DOCK1: variants seen among roughly 807,000 people sequenced by gnomAD.
DOCK1 encodes the protein dedicator of cytokinesis protein 1.
DOCK1 carries 138 observed loss-of-function variants against 262.7 expected under a neutral mutation model. The observed-to-expected ratio is 0.53, with a 90% CI of 0.46 to 0.61. The LOEUF (loss-of-function observed/expected upper bound fraction) is 0.61. DOCK1 is among the 20% of genes least tolerant of loss of function. The pLI is 0.00. For missense variants in DOCK1, 1,908 were observed against 2,370.7 expected (o/e 0.80, Z 4.05); for synonymous variants, 866 against 867.4 (o/e 1.00, Z 0.03).
chr10:126,981,078 G>C (rs1218556160), intron 3 of DOCK1, among the ~76,000 whole-genome samples: 1 of 151,800 alleles, frequency 6.6e-6, no homozygotes, highest in Non-Finnish European at 1.5e-5. Context: ...CTCCTGAGTA[G>C]CTGGGACTAC....
chr10:127,312,190 T>G (rs1326580256), intron 29 of DOCK1, among the ~76,000 whole-genome samples: 1 of 152,158 alleles, frequency 6.6e-6, no homozygotes, highest in East Asian at 1.9e-4. Context: ...CATTACTGCC[T>G]AAGAAGAAGA....
chr10:127,094,986 A>G (rs764679301), intron 23 of DOCK1, among the ~76,000 whole-genome samples: 21 of 152,232 alleles, frequency 1.4e-4, no homozygotes, highest in Non-Finnish European at 3.1e-4. Flanking sequence ...TCCATGAGCC[A>G]CTTTAGCTAG....
chr10:127,262,253 C>T (rs1389444980), intron 29 of DOCK1, among the ~76,000 whole-genome samples: 3 of 146,814 alleles, frequency 2.0e-5, no homozygotes, highest in Non-Finnish European at 3.0e-5. Flanking sequence ...TGTGTGTGTA[C>T]CTGCATGTGT....
At chr10:126,954,603 C>T (rs2036584328) in intron 1 of DOCK1, among the ~76,000 whole-genome samples, 1 of 152,186 alleles carries the variant, frequency 6.6e-6, no homozygotes, top group African/African-American at 2.4e-5. Context: ...CTCCTCCTCC[C>T]AGCCCCTGGC....
chr10:127,416,379 C>T (rs894494999), intron 44 of DOCK1, among the ~76,000 whole-genome samples: 5 of 152,180 alleles, frequency 3.3e-5, no homozygotes, highest in African/African-American at 1.2e-4. Flanking sequence ...AGAGCAGGCC[C>T]TCCACCTAAA....
chr10:127,280,858 G>A lies in DOCK1; in HGVS notation c.3044+23429G>A, dbSNP rs61252595. Among the ~76,000 whole-genome samples the A allele has an allele frequency of 8.2e-4, 124 of 152,002 alleles. 1 individual carries two copies. The highest frequency in any genetic ancestry group is 2.8e-3 in the African/African-American group (115 of 41,456). On this transcript the variant is annotated intron_variant, in intron 29 of 51. Coordinates refer to ENST00000623213, the MANE Select transcript of DOCK1 (RefSeq NM_001290223.2). ...TTTTTTACTCCACGCTAAGAACATC[G>A]GAATATTTTCAACTTTACCATTGGT...
intron 22 of DOCK1, among the ~76,000 whole-genome samples, chr10:127,053,329 G>A (rs1339661845): frequency 6.6e-6 from 1 of 152,170 alleles, no homozygotes; most frequent in Non-Finnish European, 1.5e-5. Flanking sequence ...GCGACAGAGC[G>A]AGACTCCATC....
In DOCK1 at chr10:127,319,400, C is replaced by A. The variant is rs535240786; in HGVS notation, c.3045-19606C>A. Among the ~76,000 whole-genome samples the A allele has an allele frequency of 1.6e-3, 248 of 152,302 alleles. 2 individuals carry two copies. The highest frequency in any genetic ancestry group is 5.7e-3 in the African/African-American group (236 of 41,564). On this transcript the variant is annotated intron_variant, in intron 29 of 51. Coordinates refer to ENST00000623213, the MANE Select transcript of DOCK1 (RefSeq NM_001290223.2). ...ATCTCTGCAATACAGATTATATTTT[C>A]AATTAAGAAGCTTAACTTGCATGTG...
chr10:127,262,953 T>C (rs575654213), intron 29 of DOCK1, among the ~76,000 whole-genome samples: 1 of 152,238 alleles, frequency 6.6e-6, no homozygotes, highest in South Asian at 2.1e-4. Context: ...GCGGTGTTAG[T>C]GCCAAAATTT....
chr10:127,258,557 T>C (rs1038965424), intron 29 of DOCK1, among the ~76,000 whole-genome samples: 1 of 152,262 alleles, frequency 6.6e-6, no homozygotes, highest in Non-Finnish European at 1.5e-5. Context: ...GAAGGACGTC[T>C]GGGCTATCCC....
Position 127,042,920 on chromosome 10 carries a change from TAAG to T in DOCK1, c.2101-141_2101-139del, listed in dbSNP as rs1384371754. On this transcript the variant is annotated intron_variant, in intron 20 of 51. Coordinates refer to ENST00000623213, the MANE Select transcript of DOCK1 (RefSeq NM_001290223.2). ...AGTTAGGCAAATGTCATTTCTAGGG[TAAG>T]AAAAGGTAAACTAGCCACCAACTTC... 14 of 818,240 alleles carry T rather than the reference TAAG, an allele frequency of 1.7e-5. No homozygotes were observed. The African/African-American group carries it at 2.4e-4, about 14-fold the overall frequency. 50.7% of individuals were successfully genotyped at this position (818,240 alleles called of 1,614,324 possible).
At chr10:126,984,882 A>C (rs893936394) in intron 4 of DOCK1, among the ~76,000 whole-genome samples, 8 of 150,980 alleles carry the variant, frequency 5.3e-5, no homozygotes, top group Admixed American at 5.3e-4. Context: ...ACCTTGGTGT[A>C]GGATAGGAGG....
At chr10:127,052,613 C>G in intron 21 of DOCK1, 68 bp from the exon 22 acceptor site, 1 of 1,606,522 alleles carries the variant, frequency 6.2e-7, no homozygotes, top group South Asian at 1.1e-5. Context: ...TGTATATTTC[C>G]TTAGCAGTTA....
intron 1 of DOCK1, among the ~76,000 whole-genome samples, chr10:126,928,909 G>A (rs2134167238): frequency 6.6e-6 from 1 of 152,362 alleles, no homozygotes; most frequent in Non-Finnish European, 1.5e-5. Context: ...TTGATCTGTT[G>A]GTCTAGACTG....
intron 23 of DOCK1, among the ~76,000 whole-genome samples, chr10:127,063,473 T>G (rs1591859877): frequency 6.9e-6 from 1 of 145,588 alleles, no homozygotes; most frequent in South Asian, 2.2e-4. Flanking sequence ...GATTTCTTGA[T>G]TTTTTTTTTA....
At chr10:127,252,798 T>C (rs868311622) in intron 28 of DOCK1, among the ~76,000 whole-genome samples, 20 of 152,044 alleles carry the variant, frequency 1.3e-4, no homozygotes, top group Admixed American at 2.6e-4. Context: ...AGCCTTGTAG[T>C]GTAGTTTGAA....
chr10:126,963,654 C>G (rs1331613423), intron 1 of DOCK1, among the ~76,000 whole-genome samples: 1 of 119,812 alleles, frequency 8.3e-6, no homozygotes, highest in Non-Finnish European at 1.8e-5. Context: ...TTCCTTCCTT[C>G]CTTCCTTCCT....
chr10:127,185,311 A>C (rs898925317), intron 27 of DOCK1, among the ~76,000 whole-genome samples: 1 of 152,020 alleles, frequency 6.6e-6, no homozygotes, highest in African/African-American at 2.4e-5. Flanking sequence ...GGTGGATCAC[A>C]AGGTCAGGAG....
chr10:127,344,777 C>T (rs2063560829), intron 31 of DOCK1, among the ~76,000 whole-genome samples: 1 of 152,134 alleles, frequency 6.6e-6, no homozygotes, highest in African/African-American at 2.4e-5. Context: ...AGGAAGATCA[C>T]TTGAGCCCAG....
Sources: gnomAD v4.1 joint callset for allele counts (sites outside exome capture counted in the v4.1 genomes callset) on GRCh38, gnomAD v4.1.1 for gene constraint, MANE v1.5 for transcripts, NCBI Gene and HGNC (gene_info 2026-07-23, HGNC 2026-07-21) for gene names.